Variants in TENT2 observed in about 807,000 individuals in gnomAD.
TENT2 encodes the protein poly(A) RNA polymerase GLD2.
A neutral mutation model predicts 72.2 loss-of-function variants in TENT2; 44 were observed. The observed-to-expected ratio is 0.61, with a 90% confidence interval of 0.48 to 0.78. The LOEUF (loss-of-function observed/expected upper bound fraction) is 0.78. Ranked by LOEUF, TENT2 falls within the 30% of genes least tolerant of loss-of-function variation. The pLI is 0.00. For synonymous variants in TENT2, 212 were observed against 192.5 expected (o/e 1.10, Z -0.84); for missense variants, 541 against 569.6 (o/e 0.95, Z 0.51).
chr5:79,632,581 T>C (rs1360545236), intron 4 of TENT2, among the ~76,000 whole-genome samples: 1 of 152,162 alleles, frequency 6.6e-6, no homozygotes, highest in Non-Finnish European at 1.5e-5. Flanking sequence ...TGAGTTGAAA[T>C]GAGGTTAGGC....
chr5:79,660,143 T>G (rs959189880), intron 11 of TENT2, among the ~76,000 whole-genome samples: 1 of 152,134 alleles, frequency 6.6e-6, no homozygotes, highest in Non-Finnish European at 1.5e-5. Flanking sequence ...TAAATATTTT[T>G]AAAATTGGTA....
At chr5:79,679,249 G>A (rs1374183599) in intron 12 of TENT2, among the ~76,000 whole-genome samples, 1 of 152,100 alleles carries the variant, frequency 6.6e-6, no homozygotes, top group Non-Finnish European at 1.5e-5. Flanking sequence ...CAATAAATAT[G>A]TGTTGAAAAC....
At chr5:79,626,832 A>G (rs72635611) in intron 4 of TENT2, among the ~76,000 whole-genome samples, 17,306 of 151,866 alleles carry the variant, frequency 0.11, 1,117 homozygotes, top group East Asian at 0.29. Context: ...CCTTTGAATG[A>G]ACGTATAAGA....
intron 11 of TENT2, among the ~76,000 whole-genome samples, chr5:79,668,139 A>G (rs1015497176): frequency 6.6e-6 from 1 of 152,098 alleles, no homozygotes; most frequent in Non-Finnish European, 1.5e-5. Context: ...GGATATGAAA[A>G]TGAATGGGAT....
At chr5:79,630,708 A>G (rs1220286911) in intron 4 of TENT2, among the ~76,000 whole-genome samples, 1 of 151,960 alleles carries the variant, frequency 6.6e-6, no homozygotes, top group Non-Finnish European at 1.5e-5. Flanking sequence ...TGGTGAATTG[A>G]GGGGAAGTGG....
intron 11 of TENT2, among the ~76,000 whole-genome samples, chr5:79,661,312 A>G (rs2150418956): frequency 6.6e-6 from 1 of 152,102 alleles, no homozygotes; most frequent in South Asian, 2.1e-4. Flanking sequence ...TGCAAGCCCC[A>G]CTCATGGTAA....
At chr5:79,675,810 C>G (rs962505003) in intron 12 of TENT2, among the ~76,000 whole-genome samples, 2 of 152,032 alleles carry the variant, frequency 1.3e-5, no homozygotes, top group Non-Finnish European at 2.9e-5. Flanking sequence ...TTTCCAATAG[C>G]TGGTTGTAAA....
At chr5:79,673,167 T>A (rs62365237) in intron 12 of TENT2, among the ~76,000 whole-genome samples, 30,910 of 152,180 alleles carry the variant, frequency 0.2, 4,638 homozygotes, top group African/African-American at 0.42. Context: ...TAGAGTTGTT[T>A]AAGCTCCTTA....
rs1428636510 is a variant in TENT2 at position 79,685,416 on chromosome 5, G to A, written c.*143G>A. ...ATTTTTAAAAAGACATATAAAGATT[G>A]CATATTTTATTATGACATTTCCTAA... On this transcript the variant is annotated 3_prime_UTR_variant, in exon 15 of 15. Coordinates refer to ENST00000453514, the MANE Select transcript of TENT2 (RefSeq NM_001114394.3). 2 of 503,062 alleles carry A rather than the reference G, an allele frequency of 4.0e-6. No individual in the cohort carries two copies. Among genetic ancestry groups the A allele is most frequent in the South Asian group, 4.1e-5 (1 of 24,264 alleles). 31.2% of individuals were successfully genotyped at this position (503,062 alleles called of 1,614,324 possible). A position where few individuals can be genotyped will look rare whatever the true frequency, so the allele number is the denominator to read the frequency against.
intron 10 of TENT2, among the ~76,000 whole-genome samples, chr5:79,655,270 TTTAC>T (rs1458960549): frequency 6.6e-6 from 1 of 152,122 alleles, no homozygotes; most frequent in Non-Finnish European, 1.5e-5. Context: ...ACATAAAGAA[TTTAC>T]TTAATGATAA....
At chr5:79,681,087 C>T (rs965230628) in intron 13 of TENT2, among the ~76,000 whole-genome samples, 1 of 141,614 alleles carries the variant, frequency 7.1e-6, no homozygotes, top group African/African-American at 2.6e-5. Flanking sequence ...TTGCTTTTCT[C>T]TTTTTCTGTT....
chr5:79,668,624 G>A, intron 11 of TENT2: 2 of 316,618 alleles, frequency 6.3e-6, no homozygotes, highest in South Asian at 1.3e-4. Context: ...TTATGAGTTA[G>A]AAAATCTTCT....
intron 11 of TENT2, among the ~76,000 whole-genome samples, chr5:79,668,245 T>C (rs1810064359): frequency 6.6e-6 from 1 of 152,086 alleles, no homozygotes. Context: ...TTTATAAATA[T>C]TATGGTAAAA....
chr5:79,612,544 C>G lies in TENT2; in HGVS notation c.-569C>G, dbSNP rs1297318320. The G allele has an allele frequency of 6.5e-6, 1 of 153,114 alleles. No individual in the cohort carries two copies. Among genetic ancestry groups the G allele is most frequent in the African/African-American group, 2.4e-5 (1 of 41,448 alleles). 9.5% of individuals were successfully genotyped at this position (153,114 alleles called of 1,614,324 possible). The stretch of plus-strand genomic sequence containing the variant: ...GCTTTTTGCCACCGCCCCCAACCTT[C>G]TATATCCTTGCAGCCCCTACCTTTT... On this transcript the variant is annotated 5_prime_UTR_variant, in exon 1 of 15. Coordinates refer to ENST00000453514, the MANE Select transcript of TENT2 (RefSeq NM_001114394.3).
At chr5:79,662,519 C>T (rs536067599) in intron 11 of TENT2, among the ~76,000 whole-genome samples, 4 of 152,190 alleles carry the variant, frequency 2.6e-5, no homozygotes, top group Admixed American at 6.5e-5. Flanking sequence ...CTCCTTGATC[C>T]GTGGGCTGTA....
chr5:79,633,931 A>T lies in TENT2; in HGVS notation c.466-6920A>T, dbSNP rs180958262. On this transcript the variant is annotated intron_variant, in intron 4 of 14. Coordinates refer to ENST00000453514, the MANE Select transcript of TENT2 (RefSeq NM_001114394.3). ...CACTTTGGGAGGCCGAGGCGGGCAG[A>T]TCACGAGGTCAGGAGATCGAGACCA... Among the ~76,000 whole-genome samples, 714 of 148,880 alleles carry T rather than the reference A, an allele frequency of 4.8e-3. 6 individuals carry two copies. Among genetic ancestry groups the T allele is most frequent in the Non-Finnish European group, 5.4e-3 (366 of 67,220 alleles).
intron 12 of TENT2, 36 bp downstream of exon 12, chr5:79,669,064 A>ATGTGTG (rs36079132): frequency 3.8e-6 from 6 of 1,591,286 alleles, no homozygotes; most frequent in African/African-American, 1.4e-5. Context: ...GTTCACTTAT[A>ATGTGTG]TGTGTGTGTG....
Position 79,612,840 on chromosome 5 carries a change from T to C in TENT2, c.-273T>C, listed in dbSNP as rs1419304227. 6.6e-6 allele frequency: 1 copy of C among 152,310 alleles called. No individual in the cohort carries two copies. Among genetic ancestry groups the C allele is most frequent in the African/African-American group, 2.4e-5 (1 of 41,430 alleles). The allele number at this position is 152,310 out of a possible 1,614,324, so 9.4% of individuals were successfully genotyped here. ...GGTCGGCGGCGGGGCACGGGAAACT[T>C]TTCCGAAACGGTAGCGTTTTGTTTT... is the stretch of plus-strand genomic sequence containing the variant. On this transcript the variant is annotated 5_prime_UTR_variant, in exon 1 of 15. Coordinates refer to ENST00000453514, the MANE Select transcript of TENT2 (RefSeq NM_001114394.3).
At chr5:79,655,704 T>C (rs1367563710) in intron 10 of TENT2, among the ~76,000 whole-genome samples, 1 of 151,722 alleles carries the variant, frequency 6.6e-6, no homozygotes. Flanking sequence ...GGAATATATA[T>C]ATCCTTACTT....
Sources: gnomAD v4.1 joint callset for allele counts (sites outside exome capture counted in the v4.1 genomes callset) on GRCh38, gnomAD v4.1.1 for gene constraint, MANE v1.5 for transcripts, NCBI Gene and HGNC (gene_info 2026-07-23, HGNC 2026-07-21) for gene names.